The following USP46 variants were observed in gnomAD, a reference collection of about 807,000 sequenced individuals.
USP46 encodes ubiquitin carboxyl-terminal hydrolase 46.
A neutral mutation model predicts 44.4 loss-of-function variants in USP46; 12 were observed. That is an observed-to-expected ratio of 0.27 (90% CI 0.17 to 0.44). The LOEUF is 0.44. Among genes scored for constraint, USP46 ranks in the 20% least tolerant of loss-of-function variants. The pLI, the probability that USP46 is intolerant of heterozygous loss-of-function variation, is 1.00. For missense variants in USP46, 248 were observed against 444.8 expected, an observed-to-expected ratio of 0.56 and a Z score of 3.98; for synonymous variants, 155 against 161.5, an observed-to-expected ratio of 0.96 and a Z score of 0.31.
chr4:52,603,418 A>G (rs1716555518), intron 6 of USP46, among the ~76,000 whole-genome samples: 1 of 152,212 alleles, frequency 6.6e-6, no homozygotes, highest in Non-Finnish European at 1.5e-5. Context: ...AAGGCTGGGC[A>G]GAGAAATGAT....
chr4:52,636,705 CAA>C (rs1182691689), intron 1 of USP46, among the ~76,000 whole-genome samples: 42 of 36,160 alleles, frequency 1.2e-3, no homozygotes, highest in African/African-American at 3.8e-3. Context: ...GACTCTGTCT[CAA>C]AAAAAAAAAA....
intron 4 of USP46, among the ~76,000 whole-genome samples, chr4:52,621,328 T>C (rs185903262): frequency 6.2e-4 from 95 of 152,238 alleles, no homozygotes; most frequent in Admixed American, 1.5e-3. Flanking sequence ...ATTCAGTTTA[T>C]TACAAAAATA....
intron 2 of USP46, chr4:52,629,821 C>A: frequency 2.3e-6 from 1 of 435,734 alleles, no homozygotes; most frequent in Non-Finnish European, 4.7e-6. Flanking sequence ...CCCCACTTTA[C>A]AGATGGGGAA....
intron 1 of USP46, among the ~76,000 whole-genome samples, chr4:52,632,923 A>G (rs1275212417): frequency 2.0e-5 from 1 of 51,144 alleles, no homozygotes; most frequent in Admixed American, 2.2e-4. Context: ...AGAAAGAGAA[A>G]GAAAGAAAGA....
At position 52,594,787 on chromosome 4, in the gene USP46, T is replaced by C. The variant is rs980964932; in HGVS notation, c.*2853A>G. On this transcript the variant is annotated 3_prime_UTR_variant, in exon 9 of 9. Transcript: ENST00000441222. ...TCCCTATTTTATCTTAAACCCAAAATACACCAGGCCATAAAACCAAATATG... is the reference window on the plus strand; with the variant it reads ...TCCCTATTTTATCTTAAACCCAAAACACACCAGGCCATAAAACCAAATATG... 3.9e-5 allele frequency: 6 copies of C among 152,130 alleles called. No individual in the cohort carries two copies. Among genetic ancestry groups the C allele is most frequent in the African/African-American group, 1.4e-4 (6 of 41,422 alleles). 9.4% of individuals were successfully genotyped at this position (152,130 alleles called of 1,614,324 possible).
At chr4:52,641,386 C>T (rs544405371) in intron 1 of USP46, among the ~76,000 whole-genome samples, 3 of 152,224 alleles carry the variant, frequency 2.0e-5, no homozygotes, top group Admixed American at 6.5e-5. Context: ...CCTCAAAGCA[C>T]CTCTGAAAGC....
intron 7 of USP46, among the ~76,000 whole-genome samples, chr4:52,599,965 A>C (rs550580248): frequency 2.0e-5 from 3 of 152,122 alleles, no homozygotes; most frequent in Non-Finnish European, 4.4e-5. Context: ...CCTGTGCTCA[A>C]ATGTCACCTC....
At chr4:52,636,835 G>GGT (rs1718137005) in intron 1 of USP46, among the ~76,000 whole-genome samples, 1 of 151,196 alleles carries the variant, frequency 6.6e-6, no homozygotes, top group Non-Finnish European at 1.5e-5. Flanking sequence ...TATGAGACAG[G>GGT]GTCTCACTCT....
At chr4:52,644,881 C>A (rs889002187) in intron 1 of USP46, among the ~76,000 whole-genome samples, 4 of 152,008 alleles carry the variant, frequency 2.6e-5, no homozygotes, top group South Asian at 4.2e-4. Context: ...TATGGTGACA[C>A]CCCGTCTCTA....
intron 1 of USP46, among the ~76,000 whole-genome samples, chr4:52,643,595 G>A (rs1718431548): frequency 6.6e-6 from 1 of 152,210 alleles, no homozygotes; most frequent in Non-Finnish European, 1.5e-5. Flanking sequence ...AATTAGGTCT[G>A]ATTCATTTGC....
At chr4:52,638,578 T>G (rs543055424) in intron 1 of USP46, among the ~76,000 whole-genome samples, 2 of 150,076 alleles carry the variant, frequency 1.3e-5, no homozygotes, top group South Asian at 4.2e-4. Context: ...ATTCCAGTTA[T>G]TATTTATATA....
At chr4:52,657,442 G>C (rs1303504236) in intron 1 of USP46, among the ~76,000 whole-genome samples, 1 of 152,184 alleles carries the variant, frequency 6.6e-6, no homozygotes, top group Admixed American at 6.5e-5. Flanking sequence ...TTTCCAGCCT[G>C]CTTCTACACA....
rs1273441201 is a variant in USP46 at position 52,631,113 on chromosome 4, A to G, written c.68T>C (p.Ile23Thr). 2.6e-6 allele frequency: 4 copies of G among 1,567,032 alleles called. No individual in the cohort carries two copies. Residue 23 changes from isoleucine to threonine, a missense_variant, in exon 2 of 9, where the codon ATT becomes ACT. Coordinates refer to ENST00000441222, the MANE Select transcript of USP46 (RefSeq NM_022832.4). ...GTNASALEKD[I>T]GPEQFPINEH... ...ATTGATTGGAAACTGCTCTGGACCA[A>G]TGTCTTTTTCCAGAGCAGAGGCATT...
chr4:52,657,270 G>C (rs568988275), intron 1 of USP46, among the ~76,000 whole-genome samples: 3 of 152,150 alleles, frequency 2.0e-5, no homozygotes, highest in African/African-American at 4.8e-5. Flanking sequence ...GCTCCTCTCA[G>C]GTCCTCCCCA....
At chr4:52,600,062 C>A (rs1209860700) in intron 7 of USP46, among the ~76,000 whole-genome samples, 1 of 152,230 alleles carries the variant, frequency 6.6e-6, no homozygotes, top group Non-Finnish European at 1.5e-5. Flanking sequence ...CCTGATAGCA[C>A]TGATCAAAAT....
intron 1 of USP46, among the ~76,000 whole-genome samples, chr4:52,643,723 A>G (rs1560411036): frequency 6.6e-6 from 1 of 152,206 alleles, no homozygotes; most frequent in African/African-American, 2.4e-5. Context: ...AGAACTTCAC[A>G]TCTACATATT....
chr4:52,632,960 GAA>G lies in USP46; in HGVS notation c.37-1818_37-1817del, dbSNP rs1308982211. 4.7e-4 allele frequency among the ~76,000 whole-genome samples: 35 copies of G among 73,758 alleles called. 1 individual carries two copies. Among genetic ancestry groups the G allele is most frequent in the African/African-American group, 2.2e-3 (34 of 15,134 alleles). The allele number at this position is 73,758 out of a possible 152,430, so 48.4% of individuals were successfully genotyped here. A position where few individuals can be genotyped will look rare whatever the true frequency, so the allele number is the denominator to read the frequency against. On this transcript the variant is annotated intron_variant, in intron 1 of 8. Coordinates refer to ENST00000441222, the MANE Select transcript of USP46 (RefSeq NM_022832.4). ...AGAAAGAAAGAAAGAAAGAAAGAAA[GAA>G]AGAAAGAAAGAAAGAAAGAAAGAAA...
In USP46 at chr4:52,591,451, T is replaced by C. The variant is rs1577647648; in HGVS notation, c.*6189A>G. 6.6e-6 allele frequency: 1 copy of C among 152,368 alleles called. No individual in the cohort carries two copies. The highest frequency in any genetic ancestry group is 6.5e-5 in the Admixed American group (1 of 15,308). 9.4% of individuals were successfully genotyped at this position (152,368 alleles called of 1,614,324 possible). On this transcript the variant is annotated 3_prime_UTR_variant, in exon 9 of 9. Transcript: ENST00000441222. Reference sequence around the variant, plus strand: ...ACTCCTTTTCCAAGAAGAGCTTCTGTAGAATTCCACACTGCCTTAAGCACA... The same window carrying C: ...ACTCCTTTTCCAAGAAGAGCTTCTGCAGAATTCCACACTGCCTTAAGCACA...
rs990268363 is a variant in USP46 at position 52,659,037 on chromosome 4, G to C, written c.36+78C>G. Reference sequence around the variant, plus strand: ...CCGCCCCCGCCGCCCCAGCCACCGGGCGTGTGTGCAGCTCGGGCTTCCCTT... The same window carrying C: ...CCGCCCCCGCCGCCCCAGCCACCGGCCGTGTGTGCAGCTCGGGCTTCCCTT... On this transcript the variant is annotated intron_variant, in intron 1 of 8. Coordinates refer to ENST00000441222, the MANE Select transcript of USP46 (RefSeq NM_022832.4). This position sits in a 1 kb window ranked among gnomAD's most constrained non-coding sequence, Gnocchi z 4.2. 2.8e-5 allele frequency: 41 copies of C among 1,477,748 alleles called. No individual in the cohort carries two copies. The highest frequency in any genetic ancestry group is 1.7e-4 in the Middle Eastern group (1 of 5,784). 91.5% of individuals were successfully genotyped at this position (1,477,748 alleles called of 1,614,324 possible).
Sources: gnomAD v4.1 joint callset for allele counts (sites outside exome capture counted in the v4.1 genomes callset) on GRCh38, gnomAD v4.1.1 for gene constraint, Gnocchi (gnomAD v3.1) non-coding constraint, MANE v1.5 for transcripts, NCBI Gene and HGNC (gene_info 2026-07-23, HGNC 2026-07-21) for gene names.